BRAP: variants seen among roughly 807,000 people sequenced by gnomAD.
BRAP encodes the protein BRCA1-associated protein.
Under a neutral mutation model 73.4 loss-of-function variants are expected in BRAP, and 42 were observed. The ratio of observed to expected loss-of-function variants is 0.57; its 90% CI spans 0.45 to 0.74. BRAP has a LOEUF of 0.74. Ranked by LOEUF, BRAP falls within the 30% of genes least tolerant of loss-of-function variation. The pLI is 0.00. For missense variants in BRAP, 593 were observed against 751.4 expected (o/e 0.79, Z 2.46); for synonymous variants, 255 against 267.4 (o/e 0.95, Z 0.45).
Position 111,643,923 on chromosome 12 carries a change from T to C in BRAP, c.*276A>G, listed in dbSNP as rs893014408. 1 of 408,318 alleles carries C rather than the reference T, an allele frequency of 2.4e-6. No individual in the cohort carries two copies. The highest frequency in any genetic ancestry group is 4.4e-6 in the Non-Finnish European group (1 of 227,906). The allele number at this position is 408,318 out of a possible 1,614,324, so 25.3% of individuals were successfully genotyped here. On this transcript the variant is annotated 3_prime_UTR_variant, in exon 12 of 12. Transcript: ENST00000419234. ...TACAATGGAAAAATGCACAGCAGAG[T>C]TGGGGCTTCTACCAAGCAGGAAGGC...
At chr12:111,685,176 G>A (rs929853199) in intron 1 of BRAP, among the ~76,000 whole-genome samples, 53 of 152,220 alleles carry the variant, frequency 3.5e-4, no homozygotes, top group African/African-American at 1.3e-3. Context: ...GTTTCCCAAT[G>A]TGTAAGAGGT....
In BRAP at chr12:111,660,587, A is replaced by C; in HGVS notation, c.972+13T>G. On this transcript the variant is annotated intron_variant, in intron 7 of 11. Coordinates refer to ENST00000419234, the MANE Select transcript of BRAP (RefSeq NM_006768.5). ...GCTGCATTCTTTGTTCTTTTCCATCACCCATTACTTACTTCCTGAACACCA... is the reference window on the plus strand; with the variant it reads ...GCTGCATTCTTTGTTCTTTTCCATCCCCCATTACTTACTTCCTGAACACCA... The C allele has an allele frequency of 5.0e-6, 8 of 1,592,906 alleles. No individual in the cohort carries two copies. Among genetic ancestry groups the C allele is most frequent in the Non-Finnish European group, 6.8e-6 (8 of 1,170,126 alleles).
At chr12:111,683,526 C>G (rs1259901340) in intron 1 of BRAP, among the ~76,000 whole-genome samples, 5 of 152,086 alleles carry the variant, frequency 3.3e-5, no homozygotes, top group Admixed American at 2.6e-4. Context: ...CAGGGCTGTT[C>G]TACTGAAATC....
At chr12:111,678,544 C>T (rs1887471688) in intron 4 of BRAP, among the ~76,000 whole-genome samples, 1 of 151,490 alleles carries the variant, frequency 6.6e-6, no homozygotes, top group Non-Finnish European at 1.5e-5. Flanking sequence ...GTAGTCCCAG[C>T]TACTCAGGAG....
rs373352481 is a variant in BRAP at position 111,683,294 on chromosome 12, A to G, written c.96T>C (p.Ser32=). The G allele has an allele frequency of 6.2e-6, 10 of 1,610,432 alleles. No individual in the cohort carries two copies. The highest frequency in any genetic ancestry group is 8.5e-6 in the Non-Finnish European group (10 of 1,179,112). Residue 32 remains serine (S), a synonymous_variant, in exon 2 of 12, where the codon TCT becomes TCC. Transcript: ENST00000419234. The stretch of plus-strand genomic sequence containing the variant: ...GTGTCGTCTTTTTTATCTCCTCATC[A>G]GACATTTCCCCGGCTAAAGAACACA... ...FGFSAAAGEM[S]DEEIKKTTLA... is the part of the protein sequence containing the mutation.
chr12:111,668,579 T>TAC (rs1430295513), intron 5 of BRAP, among the ~76,000 whole-genome samples: 1 of 152,064 alleles, frequency 6.6e-6, no homozygotes, highest in Non-Finnish European at 1.5e-5. Flanking sequence ...CAAATGAAGA[T>TAC]ACACAAGACC....
intron 11 of BRAP, among the ~76,000 whole-genome samples, chr12:111,649,655 C>T (rs989542679): frequency 6.6e-6 from 1 of 152,186 alleles, no homozygotes; most frequent in Non-Finnish European, 1.5e-5. Flanking sequence ...TCAAAGAAGC[C>T]GAAGGCTCTG....
At chr12:111,679,416 T>G (rs1229684094) in intron 3 of BRAP, 76 bp from the exon 4 acceptor site, 2 of 1,068,696 alleles carry the variant, frequency 1.9e-6, no homozygotes, top group African/African-American at 3.2e-5. Flanking sequence ...AACTTTTATG[T>G]CCAAGAAAAC....
Position 111,644,303 on chromosome 12 carries a change from C to T in BRAP, c.1675G>A (p.Glu559Lys). Residue 559 changes from glutamate (E) to lysine (K), a missense_variant, in exon 12 of 12, where the codon GAG becomes AAG. Glu to Lys is a moderately conservative substitution (Grantham distance 56, BLOSUM62 1). Coordinates refer to ENST00000419234, the MANE Select transcript of BRAP (RefSeq NM_006768.5). ...LPAETRQEIQ[E>K]GQINIAMASA... ...GCCATGGCGATGTTGATCTGTCCCT[C>T]CTGGATTTCCTGCCGGGTCTCGGCA... 6.2e-7 allele frequency: 1 copy of T among 1,614,114 alleles called. No individual in the cohort carries two copies. The highest frequency in any genetic ancestry group is 8.5e-7 in the Non-Finnish European group (1 of 1,180,026).
intron 11 of BRAP, among the ~76,000 whole-genome samples, chr12:111,646,476 TAAAAACAA>T (rs1299036366): frequency 6.6e-6 from 1 of 151,902 alleles, no homozygotes; most frequent in Non-Finnish European, 1.5e-5. Context: ...GCAATATCTA[TAAAAACAA>T]AAAATTTGGG....
intron 10 of BRAP, among the ~76,000 whole-genome samples, chr12:111,651,230 A>T (rs1566111186): frequency 0.013 from 1,974 of 150,862 alleles, 52 homozygotes; most frequent in African/African-American, 0.045. Flanking sequence ...TAGCTTTAAT[A>T]ATAATAATAA....
chr12:111,668,143 G>C (rs1259819352), intron 5 of BRAP, among the ~76,000 whole-genome samples: 1 of 152,158 alleles, frequency 6.6e-6, no homozygotes, highest in African/African-American at 2.4e-5. Context: ...GGAGGCATAG[G>C]CTGCAGTGAG....
At chr12:111,680,561 G>A (rs1169776874) in intron 3 of BRAP, among the ~76,000 whole-genome samples, 4 of 151,560 alleles carry the variant, frequency 2.6e-5, no homozygotes, top group South Asian at 2.1e-4. Context: ...TTAACTGGGC[G>A]TGGTGGTGTG....
At chr12:111,649,780 C>A (rs1174066765) in intron 11 of BRAP, among the ~76,000 whole-genome samples, 159 bp downstream of exon 11, 1 of 152,192 alleles carries the variant, frequency 6.6e-6, no homozygotes, top group East Asian at 1.9e-4. Context: ...TGGTATGAAA[C>A]CCCGCATTTT....
chr12:111,685,327 G>A (rs543599133), intron 1 of BRAP, among the ~76,000 whole-genome samples: 1 of 152,334 alleles, frequency 6.6e-6, no homozygotes, highest in Admixed American at 6.5e-5. Context: ...CACTTCAATG[G>A]ATATCGTTCC....
chr12:111,673,072 G>C (rs1887239289), intron 4 of BRAP: 1 of 314,670 alleles, frequency 3.2e-6, no homozygotes, highest in Admixed American at 4.8e-5. Context: ...TATTCAACCA[G>C]CAACAGTCAA....
At chr12:111,680,832 A>C (rs1452236815) in intron 3 of BRAP, among the ~76,000 whole-genome samples, 1 of 152,240 alleles carries the variant, frequency 6.6e-6, no homozygotes, top group African/African-American at 2.4e-5. Flanking sequence ...ACCATTACCC[A>C]AGAAGGTAGT....
chr12:111,685,316 G>A (rs1346324332), intron 1 of BRAP, among the ~76,000 whole-genome samples: 4 of 152,222 alleles, frequency 2.6e-5, no homozygotes, highest in African/African-American at 7.2e-5. Flanking sequence ...TGGTTAGGGG[G>A]CACTTCAATG....
chr12:111,659,026 C>T (rs1886641112), intron 8 of BRAP, among the ~76,000 whole-genome samples, 181 bp from the exon 9 acceptor site: 1 of 151,972 alleles, frequency 6.6e-6, no homozygotes, highest in Non-Finnish European at 1.5e-5. Flanking sequence ...GTATTAACTC[C>T]CTTTATAATG....
Sources: allele counts gnomAD v4.1 joint callset (sites outside exome capture counted in the v4.1 genomes callset), GRCh38; gene constraint gnomAD v4.1.1; transcripts MANE v1.5; gene names NCBI Gene and HGNC (gene_info 2026-07-23, HGNC 2026-07-21).